DEUP1: variants seen among roughly 807,000 people sequenced by gnomAD.
DEUP1 encodes deuterosome assembly protein 1, also known as coiled-coil domain containing 67.
In DEUP1, 82 loss-of-function variants were observed where a neutral mutation model predicts 87.4. The ratio of observed to expected loss-of-function variants is 0.94; its 90% CI spans 0.78 to 1.13. The LOEUF is 1.13. Among genes scored for constraint, DEUP1 ranks in the 50% most tolerant of loss-of-function variants. DEUP1 has a pLI of 0.00. For missense variants in DEUP1, 663 were observed against 681.5 expected (o/e 0.97, Z 0.30); for synonymous variants, 214 against 222.7 (o/e 0.96, Z 0.35).
intron 5 of DEUP1, among the ~76,000 whole-genome samples, chr11:93,365,933 A>G (rs78966005): frequency 0.011 from 1,670 of 152,350 alleles, 34 homozygotes; most frequent in African/African-American, 0.039. Flanking sequence ...TGTAGTAGTC[A>G]AAGAACATGA....
At chr11:93,353,694 T>C (rs1044847936) in intron 2 of DEUP1, among the ~76,000 whole-genome samples, 1 of 152,200 alleles carries the variant, frequency 6.6e-6, no homozygotes, top group Non-Finnish European at 1.5e-5. Context: ...TTCAACAACA[T>C]GTGAAAGCTG....
Position 93,333,975 on chromosome 11 carries a change from G to A in DEUP1, c.29+1687G>A, listed in dbSNP as rs192786296. ...TATCACTTCACTCCTACAAATCCAAGGCCATGGAGTCATTTAAGAAACAGA... is the reference window on the plus strand; with the variant it reads ...TATCACTTCACTCCTACAAATCCAAAGCCATGGAGTCATTTAAGAAACAGA... On this transcript the variant is annotated intron_variant, in intron 2 of 13. Coordinates refer to ENST00000298050, the MANE Select transcript of DEUP1 (RefSeq NM_181645.4). Among the ~76,000 whole-genome samples, 16 of 152,292 alleles carry A rather than the reference G, an allele frequency of 1.1e-4. No individual in the cohort carries two copies. The East Asian group carries it at 2.9e-3, about 27-fold the overall frequency.
intron 11 of DEUP1, among the ~76,000 whole-genome samples, chr11:93,398,562 T>A (rs1364170008): frequency 6.6e-6 from 1 of 152,176 alleles, no homozygotes; most frequent in African/African-American, 2.4e-5. Context: ...TTTGTCATTC[T>A]GATGGTTATA....
intron 12 of DEUP1, among the ~76,000 whole-genome samples, chr11:93,410,602 C>A (rs1248334414): frequency 6.6e-6 from 1 of 152,210 alleles, no homozygotes; most frequent in African/African-American, 2.4e-5. Flanking sequence ...AGTCACTGAT[C>A]TGTATTGAGC....
chr11:93,343,372 T>C (rs1460839714), intron 2 of DEUP1, among the ~76,000 whole-genome samples: 1 of 152,230 alleles, frequency 6.6e-6, no homozygotes, highest in African/African-American at 2.4e-5. Context: ...TCCTAGAGAC[T>C]GGCTTACAGA....
rs541941482 is a variant in DEUP1, at chr11:93,393,774, GAGACAGAGGC to G, written c.1042-683_1042-674del. 1.6e-3 allele frequency among the ~76,000 whole-genome samples: 238 copies of G among 152,320 alleles called. 1 individual carries two copies. The highest frequency in any genetic ancestry group is 5.5e-3 in the African/African-American group (228 of 41,568). On this transcript the variant is annotated intron_variant, in intron 9 of 13. Transcript: ENST00000298050. ...GACAAAGACAGCAGTTGTAGGAATG[GAGACAGAGGC>G]AAGACTTAAAAGAGGTTGAAATAGA...
At chr11:93,333,726 T>C (rs1027881205) in intron 2 of DEUP1, among the ~76,000 whole-genome samples, 1 of 152,128 alleles carries the variant, frequency 6.6e-6, no homozygotes, top group African/African-American at 2.4e-5. Context: ...ACCAGGTTAG[T>C]AGAGAAAGTA....
intron 13 of DEUP1, among the ~76,000 whole-genome samples, chr11:93,416,237 C>A (rs1057370523): frequency 1.3e-5 from 2 of 152,006 alleles, no homozygotes; most frequent in Non-Finnish European, 2.9e-5. Flanking sequence ...ATTAATGAAT[C>A]CAGGAGCTTG....
At chr11:93,335,425 T>C (rs1943708013) in intron 2 of DEUP1, among the ~76,000 whole-genome samples, 1 of 152,232 alleles carries the variant, frequency 6.6e-6, no homozygotes, top group African/African-American at 2.4e-5. Flanking sequence ...TTGTTGTTAT[T>C]ATGTTTAACT....
chr11:93,371,415 G>C, intron 7 of DEUP1, 135 bp downstream of exon 7: 1 of 994,320 alleles, frequency 1.0e-6, no homozygotes. Context: ...TTTCCTCTTA[G>C]TAATTCGCAC....
At chr11:93,339,713 C>T (rs1943959650) in intron 2 of DEUP1, among the ~76,000 whole-genome samples, 1 of 152,144 alleles carries the variant, frequency 6.6e-6, no homozygotes, top group South Asian at 2.1e-4. Flanking sequence ...AACGAGGGAA[C>T]CCACCTTACA....
At chr11:93,392,129 A>G (rs1380461783) in intron 9 of DEUP1, among the ~76,000 whole-genome samples, 1 of 152,188 alleles carries the variant, frequency 6.6e-6, no homozygotes, top group African/African-American at 2.4e-5. Flanking sequence ...TTTCCATGTT[A>G]GGTCACCCCA....
chr11:93,416,402 A>C (rs1947629688), intron 13 of DEUP1, among the ~76,000 whole-genome samples: 1 of 152,152 alleles, frequency 6.6e-6, no homozygotes, highest in Admixed American at 6.5e-5. Flanking sequence ...TACTACAAAC[A>C]CCTCTACGCA....
intron 2 of DEUP1, among the ~76,000 whole-genome samples, chr11:93,349,388 T>A (rs371726599): frequency 7.1e-6 from 1 of 141,296 alleles, no homozygotes; most frequent in Admixed American, 7.5e-5. Flanking sequence ...TAGATAAGAA[T>A]AAACCCACCT....
chr11:93,376,254 T>G (rs1193940953), intron 7 of DEUP1, among the ~76,000 whole-genome samples: 1 of 152,194 alleles, frequency 6.6e-6, no homozygotes, highest in Non-Finnish European at 1.5e-5. Flanking sequence ...TATATTACCA[T>G]TTCAATCTCC....
At position 93,375,038 on chromosome 11, in the gene DEUP1, T is replaced by TC. The variant is rs1453736157; in HGVS notation, c.789+3758_789+3759insC. On this transcript the variant is annotated intron_variant, in intron 7 of 13. Coordinates refer to ENST00000298050, the MANE Select transcript of DEUP1 (RefSeq NM_181645.4). ...CTAAGTATTTCTTTTTCTTTTCTTT[T>TC]TTTTTTTTTTGCACTATTGTAAAAG... Among the ~76,000 whole-genome samples, 5 of 151,018 alleles carry TC rather than the reference T, an allele frequency of 3.3e-5. No homozygotes were observed. The East Asian group carries it at 9.7e-4, about 29-fold the overall frequency.
chr11:93,420,969 A>G (rs1332230992), intron 13 of DEUP1, among the ~76,000 whole-genome samples: 1 of 45,172 alleles, frequency 2.2e-5, no homozygotes, highest in Non-Finnish European at 4.2e-5. Flanking sequence ...AATCAATATC[A>G]TGAAAATGGC....
chr11:93,428,460 T>C (rs1309816980), intron 13 of DEUP1, among the ~76,000 whole-genome samples: 5 of 100,620 alleles, frequency 5.0e-5, no homozygotes, highest in Non-Finnish European at 2.0e-5. Flanking sequence ...TGGGGGGAGG[T>C]GGGAGGGATA....
At chr11:93,395,887 T>C (rs1946928097) in intron 10 of DEUP1, among the ~76,000 whole-genome samples, 2 of 152,192 alleles carry the variant, frequency 1.3e-5, no homozygotes, top group South Asian at 4.1e-4. Flanking sequence ...GTTGAATAAA[T>C]TTAATGGACA....
Sources: gnomAD v4.1 joint callset for allele counts (sites outside exome capture counted in the v4.1 genomes callset) on GRCh38, gnomAD v4.1.1 for gene constraint, MANE v1.5 for transcripts, NCBI Gene and HGNC (gene_info 2026-07-23, HGNC 2026-07-21) for gene names.